The following MAST4 variants were observed in gnomAD, a reference collection of about 807,000 sequenced individuals.
MAST4 encodes the protein microtubule-associated serine/threonine-protein kinase 4.
Under a neutral mutation model 162.7 loss-of-function variants are expected in MAST4, and 89 were observed. The observed-to-expected ratio is 0.55, with a 90% CI of 0.46 to 0.65. MAST4 has a LOEUF of 0.65. Ranked by LOEUF, MAST4 falls within the 30% of genes least tolerant of loss-of-function variation. The pLI is 0.00. For synonymous variants in MAST4, 1,479 were observed against 1,361.1 expected (o/e 1.09, Z -1.91); for missense variants, 3,153 against 3,374.0 (o/e 0.93, Z 1.62).
intron 6 of MAST4, among the ~76,000 whole-genome samples, chr5:67,093,285 A>G (rs947840996): frequency 6.6e-6 from 1 of 152,240 alleles, no homozygotes; most frequent in African/African-American, 2.4e-5. Flanking sequence ...CTCTTTTCAA[A>G]AAAGGCTTGT....
At chr5:66,898,893 G>A (rs189135879) in intron 3 of MAST4, among the ~76,000 whole-genome samples, 1 of 152,310 alleles carries the variant, frequency 6.6e-6, no homozygotes, top group Admixed American at 6.5e-5. Flanking sequence ...AAGTTGTGCT[G>A]TGGAAAAGTG....
At chr5:66,885,316 A>G (rs1291647111) in intron 3 of MAST4, among the ~76,000 whole-genome samples, 2 of 152,216 alleles carry the variant, frequency 1.3e-5, no homozygotes, top group South Asian at 2.1e-4. Flanking sequence ...GGAAAATTCA[A>G]TCAGAATTTT....
intron 1 of MAST4, among the ~76,000 whole-genome samples, chr5:66,730,790 A>G (rs979641983): frequency 3.3e-5 from 5 of 150,166 alleles, no homozygotes; most frequent in Non-Finnish European, 5.9e-5. Context: ...TCTGAATTCA[A>G]TTATGAAAGA....
chr5:66,662,955 C>T (rs1358103248), intron 1 of MAST4: 1 of 152,330 alleles, frequency 6.6e-6, no homozygotes, highest in Non-Finnish European at 1.5e-5. Flanking sequence ...ATTCTCCTGC[C>T]TCAACCTCCC....
intron 2 of MAST4, among the ~76,000 whole-genome samples, chr5:66,760,124 T>C (rs960607929): frequency 7.3e-5 from 11 of 151,046 alleles, no homozygotes; most frequent in South Asian, 2.1e-4. Flanking sequence ...TATTTATTTA[T>C]TTTTTGAGAC....
intron 3 of MAST4, among the ~76,000 whole-genome samples, chr5:66,841,803 C>G (rs984519179): frequency 1.3e-5 from 2 of 152,114 alleles, no homozygotes; most frequent in African/African-American, 4.8e-5. Context: ...CAAATGGGTA[C>G]TTAATAAAAA....
chr5:66,792,255 A>G (rs1755447662), intron 3 of MAST4: 1 of 167,812 alleles, frequency 6.0e-6, no homozygotes, highest in Non-Finnish European at 1.5e-5. Flanking sequence ...AACATTCCTC[A>G]TGCTGATGAT....
At chr5:67,071,994 G>T (rs1243213365) in intron 5 of MAST4, among the ~76,000 whole-genome samples, 1 of 152,208 alleles carries the variant, frequency 6.6e-6, no homozygotes, top group Non-Finnish European at 1.5e-5. Flanking sequence ...TTACTTTGAG[G>T]CATGGGGGAG....
Position 66,647,635 on chromosome 5 carries a change from T to A in MAST4, c.363+50617T>A, listed in dbSNP as rs1418179781. 2.0e-5 allele frequency among the ~76,000 whole-genome samples: 3 copies of A among 152,302 alleles called. No homozygotes were observed. The East Asian group carries it at 5.8e-4, about 29-fold the overall frequency. On this transcript the variant is annotated intron_variant, in intron 1 of 28. Transcript: ENST00000403625. The stretch of plus-strand genomic sequence containing the variant: ...AGTGGTTTGTAGTTTGATTGAAGAC[T>A]TAGTATTGGTATAATCAAACAAAAT...
intron 28 of MAST4, 39 bp downstream of exon 28, chr5:67,162,827 G>T (rs2151121565): frequency 6.3e-7 from 1 of 1,588,146 alleles, no homozygotes; most frequent in East Asian, 2.2e-5. Flanking sequence ...GAGGGGAGGG[G>T]AGGTAAAGTC....
intron 4 of MAST4, among the ~76,000 whole-genome samples, chr5:66,950,834 G>GT (rs112408453): frequency 0.014 from 2,066 of 152,264 alleles, 48 homozygotes; most frequent in African/African-American, 0.047. Context: ...GTAATTCTAT[G>GT]TTTAAGTTTC....
chr5:67,055,879 ACTC>A (rs1234460895), intron 5 of MAST4, among the ~76,000 whole-genome samples: 2 of 152,114 alleles, frequency 1.3e-5, no homozygotes, highest in Non-Finnish European at 2.9e-5. Context: ...AGTGAACACT[ACTC>A]AGATTTGCGT....
chr5:67,126,244 T>A (rs1768217221), intron 14 of MAST4, among the ~76,000 whole-genome samples: 1 of 152,238 alleles, frequency 6.6e-6, no homozygotes, highest in Non-Finnish European at 1.5e-5. Flanking sequence ...AGCTCTTTAG[T>A]TTAATTAGAT....
intron 3 of MAST4, among the ~76,000 whole-genome samples, chr5:66,884,524 G>A (rs138613462): frequency 6.6e-6 from 1 of 152,266 alleles, no homozygotes; most frequent in Non-Finnish European, 1.5e-5. Context: ...GAAGGACCCG[G>A]GAAGCTTGCA....
chr5:66,613,014 T>C (rs1743393801), intron 1 of MAST4, among the ~76,000 whole-genome samples: 1 of 152,226 alleles, frequency 6.6e-6, no homozygotes, highest in Admixed American at 6.5e-5. Context: ...GCTTTGTATC[T>C]TATCAAGAGT....
chr5:66,684,784 G>A (rs1748538973), intron 1 of MAST4, among the ~76,000 whole-genome samples: 1 of 152,166 alleles, frequency 6.6e-6, no homozygotes, highest in Admixed American at 6.5e-5. Flanking sequence ...AAGAGGAAGA[G>A]GGGTCACTGT....
chr5:66,932,234 T>C lies in MAST4; in HGVS notation c.674+32252T>C, dbSNP rs187655083. ...CTTATCAGTTTATATGAGGTTGGCC[T>C]TTTCATTGGGAATTCCCAATTGGGC... is the stretch of plus-strand genomic sequence containing the variant. On this transcript the variant is annotated intron_variant, in intron 4 of 28. Transcript: ENST00000403625. Among the ~76,000 whole-genome samples the C allele has an allele frequency of 4.9e-4, 74 of 152,298 alleles. No individual in the cohort carries two copies. The East Asian group carries it at 0.011, about 23-fold the overall frequency.
At chr5:66,976,054 GTGTC>G (rs952851142) in intron 4 of MAST4, among the ~76,000 whole-genome samples, 24 of 152,204 alleles carry the variant, frequency 1.6e-4, no homozygotes, top group Non-Finnish European at 2.1e-4. Flanking sequence ...TTGTATCCAT[GTGTC>G]TGTCTGTGCA....
At chr5:66,667,366 A>G (rs890531638) in intron 1 of MAST4, among the ~76,000 whole-genome samples, 1 of 152,154 alleles carries the variant, frequency 6.6e-6, no homozygotes, top group African/African-American at 2.4e-5. Context: ...TACTTAATAC[A>G]CTACTGTACT....
Sources: gnomAD v4.1 joint callset for allele counts (sites outside exome capture counted in the v4.1 genomes callset) on GRCh38, gnomAD v4.1.1 for gene constraint, MANE v1.5 for transcripts, NCBI Gene and HGNC (gene_info 2026-07-23, HGNC 2026-07-21) for gene names.